PCDHA9: variants seen among roughly 807,000 people sequenced by gnomAD.
The protein encoded by PCDHA9 is protocadherin alpha-9.
A neutral mutation model predicts 62.0 loss-of-function variants in PCDHA9; 62 were observed. That is an observed-to-expected ratio of 1.00 (90% CI 0.81 to 1.23). PCDHA9 has a LOEUF of 1.23. Among genes scored for constraint, PCDHA9 ranks in the 50% most tolerant of loss-of-function variants. The probability of loss-of-function intolerance (pLI) is 0.00; values close to 1 mark genes in which losing one functional copy is unlikely to be tolerated. For synonymous variants in PCDHA9, 557 were observed against 567.6 expected (o/e 0.98, Z 0.27); for missense variants, 1,205 against 1,249.8 (o/e 0.96, Z 0.54).
At chr5:140,996,431 T>C (rs1294673547) in intron 3 of PCDHA9, among the ~76,000 whole-genome samples, 1 of 152,182 alleles carries the variant, frequency 6.6e-6, no homozygotes, top group African/African-American at 2.4e-5. Flanking sequence ...ACTTTGGGAA[T>C]AGTCAGTGTC....
chr5:140,857,959 T>G, intron 1 of PCDHA9: 1 of 1,597,228 alleles, frequency 6.3e-7, no homozygotes, highest in Non-Finnish European at 8.6e-7. Context: ...GCGCTCTGGA[T>G]GAGACTGACT....
intron 1 of PCDHA9, among the ~76,000 whole-genome samples, chr5:140,887,378 G>C (rs1407679123): frequency 6.6e-6 from 1 of 152,176 alleles, no homozygotes; most frequent in East Asian, 1.9e-4. Flanking sequence ...TTACAGGTGT[G>C]AGCCACCGCG....
chr5:140,877,168 C>T lies in PCDHA9; in HGVS notation c.2394+26279C>T, dbSNP rs199567490. The T allele has an allele frequency of 1.0e-4, 161 of 1,613,836 alleles. No homozygotes were observed. In the African/African-American group the frequency reaches 2.0e-3, roughly 20 times the overall value. On this transcript the variant is annotated intron_variant, in intron 1 of 3. Coordinates refer to ENST00000532602, the MANE Select transcript of PCDHA9 (RefSeq NM_031857.2). ...CGAGAACGACAACGCGCCGGCACTG[C>T]TGGCGACTCCGGCTGGCAGCGCAGG...
intron 1 of PCDHA9, among the ~76,000 whole-genome samples, chr5:140,975,053 A>G (rs2096651589): frequency 1.3e-5 from 2 of 152,144 alleles, no homozygotes; most frequent in Admixed American, 6.5e-5. Flanking sequence ...GGAAGAATCT[A>G]CTATCGAGCT....
chr5:140,941,251 CTTTCTCTT>C (rs1456097006), intron 1 of PCDHA9, among the ~76,000 whole-genome samples: 2 of 121,786 alleles, frequency 1.6e-5, no homozygotes, highest in Non-Finnish European at 3.5e-5. Context: ...TTCTTTCTTT[CTTTCTCTT>C]TCTTTCTTTC....
At chr5:140,968,036 A>T in intron 1 of PCDHA9, 1 of 1,614,160 alleles carries the variant, frequency 6.2e-7, no homozygotes, top group Non-Finnish European at 8.5e-7. Context: ...ACTGGTGGTG[A>T]GCGGCCCACT....
rs2150428040 is a variant in PCDHA9, at chr5:140,848,992, C to T, written c.497C>T (p.Ala166Val). Residue 166 changes from alanine (A) to valine (V), a missense_variant, in exon 1 of 4, where the codon GCC becomes GTC. Ala to Val is a moderately conservative substitution (Grantham distance 64). Coordinates refer to ENST00000532602, the MANE Select transcript of PCDHA9 (RefSeq NM_031857.2). ...TCCGATGCAGATATCGGGGAGAACG[C>T]CCTGCTCACTTACAGACTGAGCCCC... is the stretch of plus-strand genomic sequence containing the variant. ...GASDADIGEN[A>V]LLTYRLSPNE... The T allele has an allele frequency of 2.5e-6, 4 of 1,597,000 alleles. No individual in the cohort carries two copies. In the African/African-American group the frequency reaches 4.1e-5, roughly 16 times the overall value.
At chr5:140,855,521 G>A (rs1349311147) in intron 1 of PCDHA9, among the ~76,000 whole-genome samples, 1 of 149,904 alleles carries the variant, frequency 6.7e-6, no homozygotes, top group Admixed American at 6.7e-5. Context: ...AAAATAATGA[G>A]AAAGAGAAGT....
chr5:140,888,263 A>G (rs1251792046), intron 1 of PCDHA9, among the ~76,000 whole-genome samples: 1 of 152,136 alleles, frequency 6.6e-6, no homozygotes, highest in East Asian at 1.9e-4. Flanking sequence ...GTTCTTGATA[A>G]GAAACAGTTT....
At chr5:140,870,402 T>G (rs782585618) in intron 1 of PCDHA9, 8 of 1,614,212 alleles carry the variant, frequency 5.0e-6, no homozygotes, top group Non-Finnish European at 5.1e-6. Flanking sequence ...GTTCGCCTTC[T>G]CTGTGGGCCA....
rs1582078645 is a variant in PCDHA9, at chr5:140,872,401, A to G, written c.2394+21512A>G. Among the ~76,000 whole-genome samples the G allele has an allele frequency of 2.0e-5, 3 of 152,246 alleles. No homozygotes were observed. In the East Asian group the frequency reaches 5.8e-4, roughly 29 times the overall value. ...CAGCTATTTGGGAGGCTGAGGCAGG[A>G]GAATTGCTTGAGCCCAAGAGTTCGA... On this transcript the variant is annotated intron_variant, in intron 1 of 3. Transcript: ENST00000532602.
intron 1 of PCDHA9, chr5:140,862,381 C>G (rs191367875): frequency 4.0e-5 from 14 of 346,954 alleles, no homozygotes; most frequent in Non-Finnish European, 7.4e-5. Flanking sequence ...TGACTCCTCA[C>G]GTCTCTTCAA....
At chr5:140,949,263 C>G (rs1210516513) in intron 1 of PCDHA9, among the ~76,000 whole-genome samples, 1 of 151,714 alleles carries the variant, frequency 6.6e-6, no homozygotes, top group Non-Finnish European at 1.5e-5. Context: ...GAACATATCA[C>G]GTGCACTTGA....
rs2098422174 is a variant in PCDHA9 at position 141,011,893 on chromosome 5, T to G, written c.*1956T>G. On this transcript the variant is annotated 3_prime_UTR_variant, in exon 4 of 4. Coordinates refer to ENST00000532602, the MANE Select transcript of PCDHA9 (RefSeq NM_031857.2). ...CAATTTAGAAGTTTGATTAATTATATTATCTATTTAGGCATTAATATAAAA... is the reference window on the plus strand; with the variant it reads ...CAATTTAGAAGTTTGATTAATTATAGTATCTATTTAGGCATTAATATAAAA... The G allele has an allele frequency of 6.5e-6, 1 of 153,362 alleles. No individual in the cohort carries two copies. Among genetic ancestry groups the G allele is most frequent in the Admixed American group, 6.5e-5 (1 of 15,272 alleles). 9.5% of individuals were successfully genotyped at this position (153,362 alleles called of 1,614,324 possible). A position where few individuals can be genotyped will look rare whatever the true frequency, so the allele number is the denominator to read the frequency against.
At chr5:140,992,019 G>C (rs1326705755) in intron 3 of PCDHA9, among the ~76,000 whole-genome samples, 2 of 50,642 alleles carry the variant, frequency 3.9e-5, no homozygotes, top group African/African-American at 6.0e-5. Context: ...AGGTGGCTCT[G>C]TGTGTGTGTG....
At chr5:140,882,677 A>C (rs782476966) in intron 1 of PCDHA9, 1 of 1,614,214 alleles carries the variant, frequency 6.2e-7, no homozygotes. Context: ...CCCTGAAAGC[A>C]AGAAACGAAT....
chr5:141,000,421 A>ATTTTTTTT (rs34755515), intron 3 of PCDHA9, among the ~76,000 whole-genome samples: 2 of 27,968 alleles, frequency 7.2e-5, no homozygotes, highest in Admixed American at 6.5e-4. Context: ...ATATATATAT[A>ATTTTTTTT]TTTTTTTTTT....
chr5:140,967,503 G>C (rs369053625), intron 1 of PCDHA9: 1 of 1,612,938 alleles, frequency 6.2e-7, no homozygotes, highest in Non-Finnish European at 8.5e-7. Context: ...ATCTCTGTGC[G>C]TGTCCTGGAC....
intron 3 of PCDHA9, among the ~76,000 whole-genome samples, chr5:140,988,533 C>G (rs1395075166): frequency 6.6e-6 from 1 of 152,160 alleles, no homozygotes; most frequent in African/African-American, 2.4e-5. Flanking sequence ...CTGGCTCCAT[C>G]CATTCATGAC....
Sources: gnomAD v4.1 joint callset for allele counts (sites outside exome capture counted in the v4.1 genomes callset) on GRCh38, gnomAD v4.1.1 for gene constraint, MANE v1.5 for transcripts, NCBI Gene and HGNC (gene_info 2026-07-23, HGNC 2026-07-21) for gene names.